COL11A1: variants seen among roughly 807,000 people sequenced by gnomAD.
COL11A1 encodes the protein collagen alpha-1(XI) chain.
In COL11A1, 74 loss-of-function variants were observed where a neutral mutation model predicts 265.2. That is an observed-to-expected ratio of 0.28 (90% CI 0.23 to 0.34). The LOEUF (loss-of-function observed/expected upper bound fraction) is 0.34, where lower values mean the gene tolerates loss of function less well. Ranked by LOEUF, COL11A1 falls within the 10% of genes least tolerant of loss-of-function variation. The pLI is 1.00. For missense variants in COL11A1, 2,165 were observed against 2,263.6 expected (o/e 0.96, Z 0.88); for synonymous variants, 816 against 727.6 (o/e 1.12, Z -1.96).
intron 42 of COL11A1, 144 bp downstream of exon 42, chr1:102,946,705 T>C (rs1659321901): frequency 2.9e-6 from 2 of 700,954 alleles, no homozygotes; most frequent in Non-Finnish European, 5.1e-6. Flanking sequence ...TTCTCTATTA[T>C]ACATATACGA....
At chr1:103,084,904 C>T (rs1672733065) in intron 1 of COL11A1, among the ~76,000 whole-genome samples, 1 of 152,160 alleles carries the variant, frequency 6.6e-6, no homozygotes, top group Admixed American at 6.5e-5. Flanking sequence ...CACCACCAAA[C>T]TTCTAAATAA....
intron 62 of COL11A1, 93 bp downstream of exon 62, chr1:102,888,484 T>G (rs1651294449): frequency 8.4e-7 from 1 of 1,186,916 alleles, no homozygotes; most frequent in African/African-American, 1.5e-5. Flanking sequence ...TTTGGCAGAA[T>G]GTGCTTTTTG....
In COL11A1 at chr1:103,006,308, C is replaced by A; in HGVS notation, c.1691G>T (p.Arg564Leu). Reference sequence around the variant, plus strand: ...TGGACCAGGGGGACCCTGGACGCCTCGAGGGCCCTATATCAAGACATCATA... The same window carrying A: ...TGGACCAGGGGGACCCTGGACGCCTAGAGGGCCCTATATCAAGACATCATA... ...ESGDPGPQGP[R>L]GVQGPPGPTG... is the part of the protein sequence containing the mutation. The change falls in exon 16 of 67, where the codon CGA (arginine) becomes CTA (leucine). Residue 564 changes from arginine to leucine, a missense_variant. Arg to Leu is a moderately radical substitution (Grantham distance 102, BLOSUM62 -2). Transcript: ENST00000370096. 1.2e-6 allele frequency: 2 copies of A among 1,608,620 alleles called. No homozygotes were observed. The highest frequency in any genetic ancestry group is 1.7e-6 in the Non-Finnish European group (2 of 1,177,248).
intron 58 of COL11A1, 49 bp downstream of exon 58, chr1:102,890,402 G>C: frequency 7.0e-7 from 1 of 1,430,054 alleles, no homozygotes; most frequent in Non-Finnish European, 9.6e-7. Context: ...AGGGCTATTA[G>C]TATATAAAAG....
chr1:103,090,904 T>C (rs1055330203), intron 1 of COL11A1, among the ~76,000 whole-genome samples: 1 of 152,146 alleles, frequency 6.6e-6, no homozygotes, highest in African/African-American at 2.4e-5. Context: ...CCATTCAAAA[T>C]CATCCATAAA....
chr1:102,936,132 A>C (rs1045445632), intron 44 of COL11A1, among the ~76,000 whole-genome samples: 8 of 152,046 alleles, frequency 5.3e-5, no homozygotes, highest in African/African-American at 1.9e-4. Flanking sequence ...AAAGTTATTA[A>C]TATTATTAAA....
At chr1:102,971,035 A>AAAAG (rs776688627) in intron 36 of COL11A1, among the ~76,000 whole-genome samples, 1 of 151,846 alleles carries the variant, frequency 6.6e-6, no homozygotes, top group Non-Finnish European at 1.5e-5. Context: ...ACAAAAAAAA[A>AAAAG]CCAAGAATGC....
At chr1:103,004,695 G>A (rs1665433452) in intron 18 of COL11A1, 34 bp from the exon 19 acceptor site, 2 of 1,549,764 alleles carry the variant, frequency 1.3e-6, no homozygotes, top group Non-Finnish European at 1.8e-6. Flanking sequence ...TTAGCATATG[G>A]AAAGAAGTAG....
At chr1:103,008,377 A>C in intron 15 of COL11A1, 86 bp downstream of exon 15, 1 of 1,137,028 alleles carries the variant, frequency 8.8e-7, no homozygotes, top group South Asian at 1.3e-5. Flanking sequence ...AACAAAAAAA[A>C]AATTAACTAT....
intron 1 of COL11A1, 28 bp from the exon 2 acceptor site, chr1:103,083,000 C>G: frequency 6.2e-7 from 1 of 1,602,938 alleles, no homozygotes; most frequent in South Asian, 1.1e-5. Flanking sequence ...AATAAAAAAC[C>G]AGAATTGAAC....
Position 103,004,428 on chromosome 1 carries a change from AAAGT to A in COL11A1, c.1944+12_1944+15del. ...AACTAGAAATATTACTTAAAAATAA[AAAGT>A]AAGTTGCTTACAGCTTCACCTGGAA... is the stretch of plus-strand genomic sequence containing the variant. On this transcript the variant is annotated intron_variant, in intron 20 of 66. Coordinates refer to ENST00000370096, the MANE Select transcript of COL11A1 (RefSeq NM_001854.4). 1 of 1,597,500 alleles carries A rather than the reference AAAGT, an allele frequency of 6.3e-7. No homozygotes were observed. Among genetic ancestry groups the A allele is most frequent in the Non-Finnish European group, 8.6e-7 (1 of 1,166,976 alleles).
intron 29 of COL11A1, among the ~76,000 whole-genome samples, chr1:102,988,315 C>T (rs1296100749): frequency 6.6e-6 from 1 of 152,082 alleles, no homozygotes; most frequent in Non-Finnish European, 1.5e-5. Flanking sequence ...ATTTCCTAGC[C>T]TCCTGCTCAC....
intron 47 of COL11A1, among the ~76,000 whole-genome samples, 185 bp downstream of exon 47, chr1:102,923,151 C>G (rs1209397605): frequency 6.6e-6 from 1 of 151,960 alleles, no homozygotes; most frequent in Non-Finnish European, 1.5e-5. Context: ...TGAATATTAC[C>G]TATTCTCTAC....
Position 103,108,117 on chromosome 1 carries a change from G to A in COL11A1, c.62C>T (p.Thr21Ile), listed in dbSNP as rs375761728. 5 of 1,613,720 alleles carry A rather than the reference G, an allele frequency of 3.1e-6. No individual in the cohort carries two copies. In the African/African-American group the frequency reaches 5.3e-5, roughly 17 times the overall value. Reference sequence around the variant, plus strand: ...TTGGAAGAGGAAGGTCAATGCGAGGGTTGTTACGGTGAAATCCCAGAGCCA... The same window carrying A: ...TTGGAAGAGGAAGGTCAATGCGAGGATTGTTACGGTGAAATCCCAGAGCCA... ...KRWLWDFTVT[T>I]LALTFLFQAR... Residue 21 changes from threonine to isoleucine, a missense_variant, in exon 1 of 67, where the codon ACC becomes ATC. Coordinates refer to ENST00000370096, the MANE Select transcript of COL11A1 (RefSeq NM_001854.4).
chr1:102,937,729 T>A (rs1026012875), intron 44 of COL11A1, among the ~76,000 whole-genome samples: 3 of 152,140 alleles, frequency 2.0e-5, no homozygotes, highest in African/African-American at 7.2e-5. Context: ...GCCCTCACCA[T>A]AAGCCAAGCA....
intron 54 of COL11A1, among the ~76,000 whole-genome samples, chr1:102,900,565 T>C (rs1222219526): frequency 6.6e-6 from 1 of 152,132 alleles, no homozygotes; most frequent in Non-Finnish European, 1.5e-5. Flanking sequence ...CTGAAAAGAT[T>C]GCATTTACAA....
In COL11A1 at chr1:102,965,517, A is replaced by G; in HGVS notation, c.2886T>C (p.Pro962=). 6.2e-7 allele frequency: 1 copy of G among 1,613,676 alleles called. No homozygotes were observed. The highest frequency in any genetic ancestry group is 2.2e-5 in the East Asian group (1 of 44,778). The part of the protein sequence containing the change: ...GETGFQGKTG[P]PGPGGVVGPQ... ...GTCCAACCACTCCCCCTGGCCCAGGAGGGCCGGTCTTGCCTTGAAATCCCT... is the reference window on the plus strand; with the variant it reads ...GTCCAACCACTCCCCCTGGCCCAGGGGGGCCGGTCTTGCCTTGAAATCCCT... Residue 962 remains proline, a synonymous_variant, in exon 38 of 67, where the codon CCT becomes CCC. Coordinates refer to ENST00000370096, the MANE Select transcript of COL11A1 (RefSeq NM_001854.4).
chr1:102,998,062 A>AG (rs1352300531), intron 25 of COL11A1, among the ~76,000 whole-genome samples: 1 of 151,936 alleles, frequency 6.6e-6, no homozygotes, highest in Non-Finnish European at 1.5e-5. Flanking sequence ...ATGAAAAAAA[A>AG]TATGAGATTC....
intron 28 of COL11A1, among the ~76,000 whole-genome samples, chr1:102,993,685 G>A (rs555490545): frequency 1.9e-4 from 29 of 151,942 alleles, no homozygotes; most frequent in African/African-American, 5.5e-4. Context: ...CCACAGGTGC[G>A]CATCACAGTA....
Sources: allele counts gnomAD v4.1 joint callset (sites outside exome capture counted in the v4.1 genomes callset), GRCh38; gene constraint gnomAD v4.1.1; transcripts MANE v1.5; gene names NCBI Gene and HGNC (gene_info 2026-07-23, HGNC 2026-07-21).